Variants in NUP188 observed in about 807,000 individuals in gnomAD.
NUP188 encodes nucleoporin 188.
In NUP188, 97 loss-of-function variants were observed where a neutral mutation model predicts 223.0. The observed-to-expected ratio is 0.43, with a 90% CI of 0.37 to 0.51. The LOEUF (loss-of-function observed/expected upper bound fraction) is 0.51. NUP188 is among the 20% of genes least tolerant of loss of function. NUP188 has a pLI of 0.00. For missense variants in NUP188, 1,947 were observed against 2,175.6 expected (o/e 0.89, Z 2.09); for synonymous variants, 869 against 828.0 (o/e 1.05, Z -0.85).
At chr9:128,994,802 G>A in intron 28 of NUP188, 54 bp from the exon 29 acceptor site, 1 of 1,404,478 alleles carries the variant, frequency 7.1e-7, no homozygotes, top group Non-Finnish European at 1.0e-6. Flanking sequence ...TTGATATACT[G>A]GGGGAGATCA....
Position 129,001,890 on chromosome 9 carries a change from A to C in NUP188, c.4051A>C (p.Thr1351Pro), listed in dbSNP as rs773719627. The C allele has an allele frequency of 2.5e-6, 4 of 1,613,902 alleles. No homozygotes were observed. The South Asian group carries it at 4.4e-5, about 18-fold the overall frequency. Reference protein sequence around the residue: ...LTLARTQQGATAVAGAGITQS... With the variant: ...LTLARTQQGAPAVAGAGITQS... ...TGTCTTTCCCTCCTCCCAGGGAGCC[A>C]CAGCAGTGGCTGGAGCTGGCATCAC... Residue 1351 changes from threonine to proline, a missense_variant, in exon 36 of 44, where the codon ACA (threonine) becomes CCA (proline). By Grantham distance (38) the Thr-to-Pro change is conservative. Transcript: ENST00000372577.
At chr9:128,959,977 T>C (rs181504124) in intron 8 of NUP188, among the ~76,000 whole-genome samples, 4 of 152,258 alleles carry the variant, frequency 2.6e-5, no homozygotes, top group East Asian at 3.9e-4. Context: ...AAAATTTGTT[T>C]AGTGGTTAAT....
rs17508055 is a variant in NUP188, at chr9:128,986,934, C to A, written c.2264+59C>A. 6.4e-3 allele frequency: 9,207 copies of A among 1,447,134 alleles called. 437 individuals carry two copies. In the African/African-American group the frequency reaches 0.11, roughly 17 times the overall value. The allele number at this position is 1,447,134 out of a possible 1,614,324, so 89.6% of individuals were successfully genotyped here. On this transcript the variant is annotated intron_variant, in intron 22 of 43. Transcript: ENST00000372577. ...CGCCAAGGCAAGACACGGGCTTTTGCTGTGCAAAGCCGTCTCAGTTCTTCC... is the reference window on the plus strand; with the variant it reads ...CGCCAAGGCAAGACACGGGCTTTTGATGTGCAAAGCCGTCTCAGTTCTTCC...
chr9:129,002,928 C>G lies in NUP188; in HGVS notation c.4249C>G (p.Pro1417Ala). 6.2e-7 allele frequency: 1 copy of G among 1,614,202 alleles called. No individual in the cohort carries two copies. The highest frequency in any genetic ancestry group is 2.2e-5 in the East Asian group (1 of 44,882). Residue 1417 changes from proline to alanine, a missense_variant, in exon 37 of 44, where the codon CCT becomes GCT. Pro to Ala is a conservative substitution (Grantham distance 27). Around this residue, in one of 3 missense-constraint regions of NUP188, gnomAD observed 905 missense variants for 990.6 expected, o/e 0.91. Coordinates refer to ENST00000372577, the MANE Select transcript of NUP188 (RefSeq NM_015354.3). ...CAAAACTCTGCGCTACAACTTCCTG[C>G]CTGAGGCCCTGGACTTCGTGGGTGT... Reference protein sequence around the residue: ...LLKTLRYNFLPEALDFVGVHQ... With the variant: ...LLKTLRYNFLAEALDFVGVHQ...
In NUP188 at chr9:128,978,250, A is replaced by G. The variant is rs573159088; in HGVS notation, c.1204-1012A>G. ...GACCCTGTCTCTAAAAATAGATAAC[A>G]TACCTACTTACATACTTATATACAA... is the stretch of plus-strand genomic sequence containing the variant. On this transcript the variant is annotated intron_variant, in intron 12 of 43. Transcript: ENST00000372577. Among the ~76,000 whole-genome samples the G allele has an allele frequency of 1.4e-3, 212 of 152,086 alleles. 2 individuals carry two copies. The highest frequency in any genetic ancestry group is 4.9e-3 in the African/African-American group (203 of 41,474).
chr9:128,952,809 C>T lies in NUP188; in HGVS notation c.124C>T (p.Arg42Ter), dbSNP rs1366326755. ...GGCAGAACTGAATAAACATTGGCGG[C>T]GATTGTTAGAGGGGCTTTCTTACTA... ...IEAELNKHWR[R>*]LLEGLSYYKP... Residue 42 changes from arginine (R) to a stop codon, truncating the protein, a stop_gained, in exon 3 of 44, where the codon CGA becomes TGA. Transcript: ENST00000372577. LOFTEE classifies it high-confidence loss of function. The T allele has an allele frequency of 6.2e-7, 1 of 1,613,398 alleles. No homozygotes were observed. The highest frequency in any genetic ancestry group is 8.5e-7 in the Non-Finnish European group (1 of 1,179,624).
intron 15 of NUP188, among the ~76,000 whole-genome samples, 182 bp from the exon 16 acceptor site, chr9:128,982,367 T>C (rs1178375851): frequency 1.3e-5 from 2 of 151,430 alleles, no homozygotes; most frequent in Non-Finnish European, 2.9e-5. Flanking sequence ...GAGGTGGAGG[T>C]TGCAGCGAGC....
chr9:128,985,404 A>T (rs1842319587), intron 20 of NUP188: 1 of 158,140 alleles, frequency 6.3e-6, no homozygotes, highest in Admixed American at 6.4e-5. Context: ...TTCTTACCAC[A>T]CAAGTTGTAC....
intron 34 of NUP188, among the ~76,000 whole-genome samples, chr9:129,000,429 C>A (rs1230570771): frequency 6.6e-6 from 1 of 152,106 alleles, no homozygotes; most frequent in African/African-American, 2.4e-5. Context: ...CGCCATTCTC[C>A]CACCTCAGCC....
intron 25 of NUP188, 93 bp downstream of exon 25, chr9:128,990,319 T>G: frequency 2.1e-6 from 2 of 970,388 alleles, no homozygotes; most frequent in Non-Finnish European, 3.3e-6. Context: ...GTGCAGCGGC[T>G]TAACGCCTGT....
intron 27 of NUP188, 132 bp downstream of exon 27, chr9:128,993,826 A>T (rs1385163039): frequency 5.5e-6 from 4 of 725,962 alleles, no homozygotes; most frequent in Non-Finnish European, 9.0e-6. Context: ...AATACCTGGG[A>T]GTTTTACACT....
intron 37 of NUP188, 80 bp downstream of exon 37, chr9:129,003,055 G>A (rs1033134435): frequency 2.1e-5 from 31 of 1,501,710 alleles, no homozygotes; most frequent in Non-Finnish European, 2.8e-5. Context: ...AGGTGGGTGT[G>A]GAGCCTGGGC....
At position 128,983,540 on chromosome 9, in the gene NUP188, C is replaced by A; in HGVS notation, c.1951C>A (p.Gln651Lys). 6.2e-7 allele frequency: 1 copy of A among 1,613,764 alleles called. No individual in the cohort carries two copies. Among genetic ancestry groups the A allele is most frequent in the East Asian group, 2.2e-5 (1 of 44,876 alleles). ...GGCCCATCCTGTCTCCAGCCTGAGT[C>A]AGATGATTAGGTGAGCCAAGTCCTA... ...FVAHPVSSLS[Q>K]MISAEGMNAG... Residue 651 changes from glutamine to lysine, a missense_variant, in exon 19 of 44, where the codon CAG (glutamine) becomes AAG (lysine). This residue lies in a region of NUP188 where 817 missense variants were observed against 865.8 expected (regional missense o/e 0.94). Transcript: ENST00000372577.
intron 34 of NUP188, among the ~76,000 whole-genome samples, chr9:129,000,578 A>G (rs1588292759): frequency 6.6e-6 from 1 of 151,758 alleles, no homozygotes; most frequent in Non-Finnish European, 1.5e-5. Flanking sequence ...TTGATCTCCC[A>G]AAGTGCTGGG....
intron 12 of NUP188, among the ~76,000 whole-genome samples, chr9:128,975,197 A>G (rs552350348): frequency 6.8e-6 from 1 of 145,986 alleles, no homozygotes; most frequent in South Asian, 2.2e-4. Flanking sequence ...TACTTTTTAA[A>G]TTTAATTAAT....
chr9:128,998,654 G>A (rs1288004268), intron 32 of NUP188, 31 bp downstream of exon 32: 4 of 1,565,824 alleles, frequency 2.6e-6, no homozygotes, highest in Non-Finnish European at 3.5e-6. Context: ...GCAAGCCCGA[G>A]GCCAGAGCCT....
In NUP188 at chr9:129,005,341, G is replaced by T. The variant is rs766117052; in HGVS notation, c.4548G>T (p.Gln1516His). Reference sequence around the variant, plus strand: ...ATGGCCTCCCCTCAGCTGTTGCCCAGCGAGTCCAGAGGCCACCGTCTGCTG... The same window carrying T: ...ATGGCCTCCCCTCAGCTGTTGCCCATCGAGTCCAGAGGCCACCGTCTGCTG... ...NGDGLPSAVA[Q>H]RVQRPPSAAS... Residue 1516 changes from glutamine to histidine, a missense_variant, in exon 40 of 44, where the codon CAG becomes CAT. Around this residue, in one of 3 missense-constraint regions of NUP188, gnomAD observed 905 missense variants for 990.6 expected, o/e 0.91. Coordinates refer to ENST00000372577, the MANE Select transcript of NUP188 (RefSeq NM_015354.3). 1.7e-5 allele frequency: 28 copies of T among 1,613,964 alleles called. 1 individual carries two copies. In the South Asian group the frequency reaches 2.5e-4, roughly 15 times the overall value.
At chr9:128,975,875 A>G (rs1214881976) in intron 12 of NUP188, among the ~76,000 whole-genome samples, 1 of 152,062 alleles carries the variant, frequency 6.6e-6, no homozygotes, top group Non-Finnish European at 1.5e-5. Flanking sequence ...AGGCTGGAGT[A>G]CAGTGGCGTG....
chr9:128,998,048 C>A, intron 30 of NUP188, 103 bp from the exon 31 acceptor site: 1 of 820,028 alleles, frequency 1.2e-6, no homozygotes, highest in Non-Finnish European at 2.1e-6. Context: ...ATCAGGGAGA[C>A]TGTTTTACCA....
Sources: allele counts gnomAD v4.1 joint callset (sites outside exome capture counted in the v4.1 genomes callset), GRCh38; gene constraint gnomAD v4.1.1; regional missense constraint gnomAD v4.1.1; transcripts MANE v1.5; gene names NCBI Gene and HGNC (gene_info 2026-07-23, HGNC 2026-07-21).